Variants in TUSC3 observed in about 807,000 individuals in gnomAD.
TUSC3 encodes the protein tumor suppressor candidate 3, also known as dolichyl-diphosphooligosaccharide--protein glycosyltransferase subunit TUSC3.
TUSC3 carries 45 observed loss-of-function variants against 44.8 expected under a neutral mutation model. The ratio of observed to expected loss-of-function variants is 1.00; its 90% CI spans 0.79 to 1.29. The LOEUF (loss-of-function observed/expected upper bound fraction) is 1.29. Ranked by LOEUF, TUSC3 falls within the 50% of genes most tolerant of loss-of-function variation. TUSC3 has a pLI of 0.00. For synonymous variants in TUSC3, 212 were observed against 152.9 expected (o/e 1.39, Z -2.85); for missense variants, 519 against 437.9 (o/e 1.19, Z -1.65).
chr8:15,560,302 T>C (rs1802411660), intron 1 of TUSC3, among the ~76,000 whole-genome samples: 1 of 142,448 alleles, frequency 7.0e-6, no homozygotes, highest in African/African-American at 2.6e-5. Context: ...GGTTGAAATT[T>C]CTTGTCTTTA....
chr8:15,461,842 A>G lies in TUSC3; in HGVS notation n.92-21544A>G, dbSNP rs561170760. ...GATTTGTATATATAATCAAATTAAA[A>G]CATTAAAATAATATACAATTTTATT... On this transcript the variant is annotated intron_variant and non_coding_transcript_variant, in intron 1 of 5. Transcript: ENST00000503191. Among the ~76,000 whole-genome samples the G allele has an allele frequency of 3.3e-5, 5 of 152,130 alleles. No homozygotes were observed. In the South Asian group the frequency reaches 1.0e-3, roughly 31 times the overall value.
intron 7 of TUSC3, among the ~76,000 whole-genome samples, chr8:15,738,827 C>CTTTTTTTTTTTCTTTCTTT (rs1811050249): frequency 1.1e-5 from 1 of 87,172 alleles, no homozygotes; most frequent in African/African-American, 4.9e-5. Context: ...ATATATCTTG[C>CTTTTTTTTTTTCTTTCTTT]TTTTTTTTTT....
chr8:15,813,714 G>A, the TUSC3 span, among the ~76,000 whole-genome samples: 1 of 152,026 alleles, frequency 6.6e-6, no homozygotes, highest in South Asian at 2.1e-4. Context: ...AGCTCCTTCT[G>A]TCTTTACACT....
chr8:15,548,779 C>A (rs771169841), intron 1 of TUSC3, among the ~76,000 whole-genome samples: 9 of 151,774 alleles, frequency 5.9e-5, no homozygotes, highest in Admixed American at 1.3e-4. Flanking sequence ...CAGTTTTACT[C>A]CAGAATTCTC....
the TUSC3 span, among the ~76,000 whole-genome samples, chr8:15,834,756 T>C: frequency 6.6e-6 from 1 of 152,232 alleles, no homozygotes; most frequent in Non-Finnish European, 1.5e-5. Context: ...CCTACTTTAA[T>C]GATTAAGGTC....
rs539843612 is a variant in TUSC3 at position 15,732,131 on chromosome 8, T to C, written c.862+1402T>C. Among the ~76,000 whole-genome samples, 158 of 152,284 alleles carry C rather than the reference T, an allele frequency of 1.0e-3. 1 individual carries two copies. The highest frequency in any genetic ancestry group is 9.5e-3 in the South Asian group (46 of 4,824). ...TCCTCTGTTTTCCCTTCTTTCTTACTCTGAACTTTGGTGGCCACAGATAAT... is the reference window on the plus strand; with the variant it reads ...TCCTCTGTTTTCCCTTCTTTCTTACCCTGAACTTTGGTGGCCACAGATAAT... On this transcript the variant is annotated intron_variant, in intron 7 of 10. Coordinates refer to ENST00000503731, the MANE Select transcript of TUSC3 (RefSeq NM_006765.4).
chr8:15,541,877 A>T (rs1801704009), intron 1 of TUSC3, among the ~76,000 whole-genome samples: 1 of 127,860 alleles, frequency 7.8e-6, no homozygotes, highest in Non-Finnish European at 1.9e-5. Flanking sequence ...AAAGGGCAAT[A>T]AAAGATGATG....
In TUSC3 at chr8:15,662,159, C is replaced by G. The variant is rs1043343500; in HGVS notation, c.571C>G (p.Arg191Gly). The G allele has an allele frequency of 1.6e-5, 26 of 1,612,330 alleles. No individual in the cohort carries two copies. Among genetic ancestry groups the G allele is most frequent in the Non-Finnish European group, 2.1e-5 (25 of 1,178,994 alleles). The change falls in exon 5 of 11, where the codon CGG becomes GGG. Residue 191 changes from arginine to glycine, a missense_variant. Physicochemically the swap from Arg to Gly is moderately radical, Grantham distance 125. Coordinates refer to ENST00000503731, the MANE Select transcript of TUSC3 (RefSeq NM_006765.4). The stretch of plus-strand genomic sequence containing the variant: ...AATTTCTATTGCATTTTTGCAGATT[C>G]GGGTTTTCAGACCACCCAACTACTC... Reference protein sequence around the residue: ...WIADRTDVHIRVFRPPNYSGT... With the variant: ...WIADRTDVHIGVFRPPNYSGT...
At chr8:15,615,538 C>A (rs1033954832) in intron 1 of TUSC3, among the ~76,000 whole-genome samples, 1 of 152,020 alleles carries the variant, frequency 6.6e-6, no homozygotes, top group Non-Finnish European at 1.5e-5. Context: ...GTAATAAGTT[C>A]TAATGTTCTA....
At chr8:15,568,737 G>A (rs1201471779) in intron 1 of TUSC3, among the ~76,000 whole-genome samples, 1 of 151,258 alleles carries the variant, frequency 6.6e-6, no homozygotes, top group Non-Finnish European at 1.5e-5. Context: ...CAAGTAGCTG[G>A]GATTAAGGTG....
At chr8:15,624,346 G>T (rs1053920934) in intron 2 of TUSC3, among the ~76,000 whole-genome samples, 3 of 152,162 alleles carry the variant, frequency 2.0e-5, no homozygotes, top group African/African-American at 7.2e-5. Context: ...GAGTGTGGTG[G>T]TTAGGTTGTG....
At chr8:15,830,092 C>G in the TUSC3 span, among the ~76,000 whole-genome samples, 1 of 151,604 alleles carries the variant, frequency 6.6e-6, no homozygotes, top group Non-Finnish European at 1.5e-5. Flanking sequence ...CGTATGTCTT[C>G]TTTTGAGAAA....
In TUSC3 at chr8:15,540,408, G is replaced by A. The variant is rs770693913; in HGVS notation, c.-23G>A. The A allele has an allele frequency of 4.5e-6, 7 of 1,554,652 alleles. No individual in the cohort carries two copies. In the Admixed American group the frequency reaches 5.7e-5, roughly 13 times the overall value. On this transcript the variant is annotated 5_prime_UTR_variant, in exon 1 of 11. Transcript: ENST00000503731. ...CTGGGCGCGCACGGCTACCGCGCGT[G>A]GAGGAGACACTGCCCTGCCGCGATG...
At chr8:15,547,493 C>G (rs1296393631) in intron 1 of TUSC3, among the ~76,000 whole-genome samples, 1 of 151,308 alleles carries the variant, frequency 6.6e-6, no homozygotes, top group South Asian at 2.1e-4. Context: ...ATTTAATGAA[C>G]TTGGTGGTCG....
chr8:15,713,288 C>G (rs1024827645), intron 6 of TUSC3, among the ~76,000 whole-genome samples: 4 of 152,092 alleles, frequency 2.6e-5, no homozygotes, highest in Non-Finnish European at 4.4e-5. Context: ...CATATTTACA[C>G]TTGTAAGTAT....
chr8:15,692,571 A>G (rs1274833444), intron 6 of TUSC3, among the ~76,000 whole-genome samples: 1 of 151,048 alleles, frequency 6.6e-6, no homozygotes, highest in East Asian at 1.9e-4. Context: ...TGGTTCAGTC[A>G]TGGGAGGTTG....
chr8:15,677,656 A>G (rs1437332404), intron 6 of TUSC3, among the ~76,000 whole-genome samples: 2 of 152,246 alleles, frequency 1.3e-5, no homozygotes, highest in Admixed American at 6.5e-5. Flanking sequence ...TATCAGCACA[A>G]AACTGGTAGA....
chr8:15,802,168 T>C, the TUSC3 span, among the ~76,000 whole-genome samples: 1 of 152,166 alleles, frequency 6.6e-6, no homozygotes, highest in African/African-American at 2.4e-5. Context: ...GGAAGATGAT[T>C]CATTAAACAT....
chr8:15,841,171 A>G, the TUSC3 span, among the ~76,000 whole-genome samples: 1 of 151,564 alleles, frequency 6.6e-6, no homozygotes, highest in Non-Finnish European at 1.5e-5. Flanking sequence ...TATGTTTTAT[A>G]TATATATATA....
Sources: allele counts gnomAD v4.1 joint callset (sites outside exome capture counted in the v4.1 genomes callset), GRCh38; gene constraint gnomAD v4.1.1; transcripts MANE v1.5; gene names NCBI Gene and HGNC (gene_info 2026-07-23, HGNC 2026-07-21).